The following TMPRSS2 variants were observed in gnomAD, a reference collection of about 807,000 sequenced individuals.
The protein encoded by TMPRSS2 is transmembrane protease serine 2.
In TMPRSS2, 59 loss-of-function variants were observed where a neutral mutation model predicts 67.4. The ratio of observed to expected loss-of-function variants is 0.88; its 90% confidence interval spans 0.71 to 1.09. TMPRSS2 has a LOEUF of 1.09. Ranked by LOEUF, TMPRSS2 falls within the 50% of genes least tolerant of loss-of-function variation. TMPRSS2 has a pLI of 0.00. For missense variants in TMPRSS2, 668 were observed against 642.7 expected, an observed-to-expected ratio of 1.04 and a Z score of -0.43; for synonymous variants, 257 against 257.0, an observed-to-expected ratio of 1.00 and a Z score of 0.00.
chr21:41,479,500 T>G (rs1219973681), intron 6 of TMPRSS2, among the ~76,000 whole-genome samples: 1 of 152,222 alleles, frequency 6.6e-6, no homozygotes, highest in Non-Finnish European at 1.5e-5. Flanking sequence ...TCATTGGTCG[T>G]GTTTCTTATC....
rs62217525 is a variant in TMPRSS2 at position 41,465,921 on chromosome 21, C to T, written c.*221G>A. On this transcript the variant is annotated 3_prime_UTR_variant, in exon 14 of 14. Coordinates refer to ENST00000332149, the MANE Select transcript of TMPRSS2 (RefSeq NM_005656.4). ...ACCGCCAGTGCCCACAACCAGCCGGCCATCACCCCTTGCGGACAAGGGGTT... is the reference window on the plus strand; with the variant it reads ...ACCGCCAGTGCCCACAACCAGCCGGTCATCACCCCTTGCGGACAAGGGGTT... 0.042 allele frequency: 25,511 copies of T among 604,904 alleles called. 669 individuals are homozygous for T. Among genetic ancestry groups the T allele is most frequent in the Non-Finnish European group, 0.051 (17,111 of 335,954 alleles). 37.5% of individuals were successfully genotyped at this position (604,904 alleles called of 1,614,324 possible). A position where few individuals can be genotyped will look rare whatever the true frequency, so the allele number is the denominator to read the frequency against.
At chr21:41,504,400 C>T (rs894844914) in intron 1 of TMPRSS2, among the ~76,000 whole-genome samples, 1 of 152,198 alleles carries the variant, frequency 6.6e-6, no homozygotes, top group Non-Finnish European at 1.5e-5. Flanking sequence ...CTTCGAGTTT[C>T]CTGCCCTCTC....
chr21:41,495,497 C>T (rs530471976), intron 2 of TMPRSS2, among the ~76,000 whole-genome samples: 28 of 151,696 alleles, frequency 1.8e-4, no homozygotes, highest in Non-Finnish European at 3.1e-4. Context: ...TGGTGGTGCA[C>T]GCCTATAGTT....
chr21:41,502,936 A>G (rs1023917895), intron 1 of TMPRSS2, among the ~76,000 whole-genome samples: 2 of 152,144 alleles, frequency 1.3e-5, no homozygotes, highest in South Asian at 2.1e-4. Flanking sequence ...GCTTACAAAG[A>G]CAGTATTTAA....
At chr21:41,469,773 G>A (rs1830999661) in intron 11 of TMPRSS2, among the ~76,000 whole-genome samples, 1 of 152,138 alleles carries the variant, frequency 6.6e-6, no homozygotes. Flanking sequence ...GAGAGGTAAA[G>A]CTCCTGACAG....
intron 5 of TMPRSS2, among the ~76,000 whole-genome samples, chr21:41,481,552 CTG>C (rs1345631057): frequency 6.6e-6 from 1 of 152,020 alleles, no homozygotes; most frequent in Non-Finnish European, 1.5e-5. Flanking sequence ...CTAAAATTGA[CTG>C]TGGTGATAGT....
At chr21:41,482,190 T>A (rs2091262216) in intron 5 of TMPRSS2, among the ~76,000 whole-genome samples, 1 of 152,200 alleles carries the variant, frequency 6.6e-6, no homozygotes, top group Non-Finnish European at 1.5e-5. Context: ...CTCAGCTCTT[T>A]TATTTAAAGA....
At chr21:41,471,681 C>T (rs567380110) in intron 10 of TMPRSS2, 125 bp downstream of exon 10, 19 of 1,146,994 alleles carry the variant, frequency 1.7e-5, no homozygotes, top group Admixed American at 1.0e-4. Context: ...ATTGGCCACC[C>T]GCTGCACGCT....
intron 8 of TMPRSS2, 130 bp downstream of exon 8, chr21:41,476,447 T>C: frequency 1.1e-6 from 1 of 872,080 alleles, no homozygotes; most frequent in Non-Finnish European, 1.9e-6. Context: ...GAGACGCCGC[T>C]GGGCACATTC....
chr21:41,505,814 C>T (rs1438673648), intron 1 of TMPRSS2, among the ~76,000 whole-genome samples: 1 of 152,216 alleles, frequency 6.6e-6, no homozygotes, highest in African/African-American at 2.4e-5. Context: ...GGAATCCGTA[C>T]TGTGCCGATT....
chr21:41,480,519 T>G lies in TMPRSS2; in HGVS notation c.529A>C (p.Asn177His). 2 of 1,613,718 alleles carry G rather than the reference T, an allele frequency of 1.2e-6. No individual in the cohort carries two copies. The highest frequency in any genetic ancestry group is 1.7e-6 in the Non-Finnish European group (2 of 1,180,030). Reference sequence around the variant, plus strand: ...CAGGCCGCCCGCCCGTAGTTCTCGTTCCAGTCGTCTTGGCACACAGGGTGC... The same window carrying G: ...CAGGCCGCCCGCCCGTAGTTCTCGTGCCAGTCGTCTTGGCACACAGGGTGC... ...SWHPVCQDDW[N>H]ENYGRAACRD... is the part of the protein sequence containing the mutation. Residue 177 changes from asparagine (N) to histidine (H), a missense_variant, in exon 6 of 14, where the codon AAC becomes CAC. Physicochemically the swap from Asn to His is moderately conservative, Grantham distance 68. Transcript: ENST00000332149.
At chr21:41,467,640 A>G in intron 13 of TMPRSS2, 94 bp downstream of exon 13, 1 of 1,459,488 alleles carries the variant, frequency 6.9e-7, no homozygotes, top group Non-Finnish European at 9.4e-7. Flanking sequence ...AGTGGTCACC[A>G]GTCAGCTTCC....
At chr21:41,479,833 C>T (rs538746139) in intron 6 of TMPRSS2, among the ~76,000 whole-genome samples, 12 of 152,314 alleles carry the variant, frequency 7.9e-5, no homozygotes, top group African/African-American at 2.2e-4. Flanking sequence ...CCCTCTCCCC[C>T]GATGCCTGAG....
rs533556786 is a variant in TMPRSS2 at position 41,472,024 on chromosome 21, A to G, written c.900-43T>C. ...CTCAGTATCTCAGAGCCATAAACAC[A>G]GAGCTCTCAGTGGATGAACTTCCAA... is the stretch of plus-strand genomic sequence containing the variant. On this transcript the variant is annotated intron_variant, in intron 9 of 13. Transcript: ENST00000332149. The G allele has an allele frequency of 2.3e-4, 351 of 1,521,614 alleles. 4 individuals carry two copies. The South Asian group carries it at 4.2e-3, about 18-fold the overall frequency. The allele number at this position is 1,521,614 out of a possible 1,614,324, so 94.3% of individuals were successfully genotyped here.
intron 10 of TMPRSS2, 72 bp downstream of exon 10, chr21:41,471,734 A>C: frequency 6.6e-7 from 1 of 1,504,878 alleles, no homozygotes; most frequent in Non-Finnish European, 9.0e-7. Context: ...TTGGCATAGC[A>C]CAAGTGTCAT....
chr21:41,499,839 T>G (rs1297952084), intron 1 of TMPRSS2, among the ~76,000 whole-genome samples: 3 of 152,110 alleles, frequency 2.0e-5, no homozygotes, highest in African/African-American at 7.2e-5. Flanking sequence ...CCTGAGCAAA[T>G]AAAGGGCTTT....
intron 8 of TMPRSS2, 104 bp from the exon 9 acceptor site, chr21:41,473,600 C>A (rs2091155251): frequency 3.1e-6 from 4 of 1,279,066 alleles, no homozygotes; most frequent in Non-Finnish European, 4.3e-6. Flanking sequence ...AAGGACAGGG[C>A]AGGGGCACCA....
At chr21:41,502,327 C>T (rs2091429922) in intron 1 of TMPRSS2, 2 of 960,694 alleles carry the variant, frequency 2.1e-6, no homozygotes, top group Non-Finnish European at 2.5e-6. Flanking sequence ...ACACTGACTC[C>T]CACCCAAGAT....
chr21:41,466,645 C>G (rs1280172606), intron 13 of TMPRSS2, among the ~76,000 whole-genome samples: 1 of 152,200 alleles, frequency 6.6e-6, no homozygotes, highest in African/African-American at 2.4e-5. Context: ...GCCCCATGGT[C>G]ATGGGAAGGC....
Sources: allele counts gnomAD v4.1 joint callset (sites outside exome capture counted in the v4.1 genomes callset), GRCh38; gene constraint gnomAD v4.1.1; transcripts MANE v1.5; gene names NCBI Gene and HGNC (gene_info 2026-07-23, HGNC 2026-07-21).